ABCA13: variants seen among roughly 807,000 people sequenced by gnomAD.
The protein encoded by ABCA13 is ATP binding cassette subfamily A member 13.
In ABCA13, 476 loss-of-function variants were observed where a neutral mutation model predicts 478.7. The ratio of observed to expected loss-of-function variants is 0.99; its 90% CI spans 0.92 to 1.07. The LOEUF is 1.07. Ranked by LOEUF, ABCA13 falls within the 50% of genes least tolerant of loss-of-function variation. ABCA13 has a pLI of 0.00. For missense variants in ABCA13, 6,060 were observed against 5,910.6 expected, an observed-to-expected ratio of 1.03 and a Z score of -0.83; for synonymous variants, 2,252 against 2,158.9, an observed-to-expected ratio of 1.04 and a Z score of -1.20.
At chr7:48,509,938 C>T (rs1346847784) in intron 50 of ABCA13, among the ~76,000 whole-genome samples, 1 of 152,158 alleles carries the variant, frequency 6.6e-6, no homozygotes, top group Non-Finnish European at 1.5e-5. Context: ...GGAAGCTGGC[C>T]CTCGCCAGTC....
At chr7:48,244,960 A>T (rs1429322781) in intron 11 of ABCA13, among the ~76,000 whole-genome samples, 1 of 152,202 alleles carries the variant, frequency 6.6e-6, no homozygotes. Flanking sequence ...GCCTATGACA[A>T]GCAGTGTCCT....
intron 2 of ABCA13, among the ~76,000 whole-genome samples, chr7:48,193,656 G>T (rs1797425023): frequency 6.6e-6 from 1 of 151,426 alleles, no homozygotes; most frequent in Non-Finnish European, 1.5e-5. Flanking sequence ...TGATGATGAT[G>T]ATGATGGAGA....
chr7:48,413,649 G>A (rs1333876163), intron 41 of ABCA13, among the ~76,000 whole-genome samples: 1 of 152,154 alleles, frequency 6.6e-6, no homozygotes, highest in Non-Finnish European at 1.5e-5. Context: ...GTTGTGTTTT[G>A]GAATTGATTC....
rs1169421962 is a variant in ABCA13 at position 48,540,771 on chromosome 7, A to G, written c.14354+12426A>G. Among the ~76,000 whole-genome samples, 4 of 152,230 alleles carry G rather than the reference A, an allele frequency of 2.6e-5. No homozygotes were observed. The East Asian group carries it at 7.7e-4, about 29-fold the overall frequency. On this transcript the variant is annotated intron_variant, in intron 55 of 61. Coordinates refer to ENST00000435803, the MANE Select transcript of ABCA13 (RefSeq NM_152701.5). ...TTGAGAGTAATACATGTCTAAATAT[A>G]TTTCAAAATTGTCCACTGTAGTTTG... is the stretch of plus-strand genomic sequence containing the variant.
chr7:48,285,788 A>G (rs1294330635), intron 19 of ABCA13, among the ~76,000 whole-genome samples: 1 of 152,230 alleles, frequency 6.6e-6, no homozygotes, highest in African/African-American at 2.4e-5. Flanking sequence ...ATGCTTAAAG[A>G]TAAGTGCTGT....
chr7:48,397,806 T>C (rs1817047417), intron 38 of ABCA13, among the ~76,000 whole-genome samples: 1 of 152,202 alleles, frequency 6.6e-6, no homozygotes, highest in African/African-American at 2.4e-5. Context: ...ATGTGCAAAT[T>C]AAGCCTGAAT....
At position 48,412,387 on chromosome 7, in the gene ABCA13, T is replaced by C; in HGVS notation, c.12263T>C (p.Met4088Thr). 1 of 1,613,546 alleles carries C rather than the reference T, an allele frequency of 6.2e-7. No homozygotes were observed. Among genetic ancestry groups the C allele is most frequent in the Non-Finnish European group, 8.5e-7 (1 of 1,179,768 alleles). Residue 4088 changes from methionine (M) to threonine (T), a missense_variant, in exon 41 of 62, where the codon ATG becomes ACG. Met to Thr is a moderately conservative substitution (Grantham distance 81). Around this residue, in one of 3 missense-constraint regions of ABCA13, gnomAD observed 1,627 missense variants for 1,571.0 expected, o/e 1.04. Transcript: ENST00000435803. ...CTGGAGGCCCATGATCTGAAAGACA[T>C]GGCTTGTGTTACATCCCTGATAAAG... ...SVLEAHDLKD[M>T]ACVTSLIKIY...
In ABCA13 at chr7:48,435,212, T is replaced by G. The variant is rs78395164; in HGVS notation, c.12565+7341T>G. Among the ~76,000 whole-genome samples the G allele has an allele frequency of 7.2e-4, 110 of 151,962 alleles. 1 individual carries two copies. The East Asian group carries it at 0.018, about 25-fold the overall frequency. On this transcript the variant is annotated intron_variant, in intron 42 of 61. Transcript: ENST00000435803. ...ATTTTGTAGTGTTGAGTGTACAAGT[T>G]GCTTGCCCTCATGATTAAGTTAATT...
chr7:48,356,305 G>C (rs1809900017), intron 31 of ABCA13, among the ~76,000 whole-genome samples: 1 of 151,946 alleles, frequency 6.6e-6, no homozygotes, highest in African/African-American at 2.4e-5. Context: ...AGACTTGGAG[G>C]GGTAGAATTG....
intron 31 of ABCA13, among the ~76,000 whole-genome samples, chr7:48,353,609 C>T (rs1031655645): frequency 2.0e-5 from 3 of 151,484 alleles, no homozygotes; most frequent in South Asian, 4.2e-4. Flanking sequence ...GGTGACTGGG[C>T]GACACACACG....
chr7:48,467,689 G>T (rs947599329), intron 44 of ABCA13, among the ~76,000 whole-genome samples: 5 of 152,082 alleles, frequency 3.3e-5, no homozygotes, highest in Non-Finnish European at 7.4e-5. Flanking sequence ...CTGGTCTCAA[G>T]GAATTTACAG....
chr7:48,255,480 T>A (rs943498957), intron 15 of ABCA13, among the ~76,000 whole-genome samples: 1 of 152,256 alleles, frequency 6.6e-6, no homozygotes, highest in African/African-American at 2.4e-5. Context: ...AATCTTTAGC[T>A]CCCAATTTCT....
chr7:48,315,178 T>G (rs1802387063), intron 26 of ABCA13, among the ~76,000 whole-genome samples: 1 of 151,978 alleles, frequency 6.6e-6, no homozygotes, highest in African/African-American at 2.4e-5. Flanking sequence ...ATATGAGGAG[T>G]GTTGGTGCCT....
rs542884637 is a variant in ABCA13 at position 48,614,085 on chromosome 7, A to G, written c.14745-1200A>G. ...ATTTAATATTTATACTAACATATTA[A>G]TATTATTTTATATTACACTAATTTT... is the stretch of plus-strand genomic sequence containing the variant. On this transcript the variant is annotated intron_variant, in intron 58 of 61. Transcript: ENST00000435803. Among the ~76,000 whole-genome samples, 179 of 149,602 alleles carry G rather than the reference A, an allele frequency of 1.2e-3. 1 individual carries two copies. The highest frequency in any genetic ancestry group is 4.2e-3 in the African/African-American group (172 of 41,192).
At chr7:48,350,242 T>G (rs773881631) in intron 29 of ABCA13, among the ~76,000 whole-genome samples, 16 of 151,864 alleles carry the variant, frequency 1.1e-4, no homozygotes, top group Non-Finnish European at 1.8e-4. Flanking sequence ...GGAAGGCGTG[T>G]TTTTTTTAGA....
intron 58 of ABCA13, among the ~76,000 whole-genome samples, chr7:48,611,576 A>G (rs1247060155): frequency 6.6e-6 from 1 of 152,200 alleles, no homozygotes; most frequent in Non-Finnish European, 1.5e-5. Context: ...CACGTCTTAC[A>G]TGGCCAGAGC....
intron 5 of ABCA13, among the ~76,000 whole-genome samples, chr7:48,221,640 C>T (rs767224430): frequency 1.1e-4 from 16 of 152,148 alleles, no homozygotes; most frequent in African/African-American, 1.4e-4. Flanking sequence ...GGCACATAAG[C>T]GGTGACTCCC....
intron 16 of ABCA13, among the ~76,000 whole-genome samples, chr7:48,271,235 C>A (rs2128747005): frequency 6.6e-6 from 1 of 152,328 alleles, no homozygotes; most frequent in South Asian, 2.1e-4. Flanking sequence ...GTCTGAGTTG[C>A]TCTTCTGAGA....
At chr7:48,412,652 A>C in intron 41 of ABCA13, 69 bp downstream of exon 41, 3 of 1,141,084 alleles carry the variant, frequency 2.6e-6, no homozygotes, top group African/African-American at 1.7e-5. Flanking sequence ...AAATGAAGAG[A>C]TGTGGGTAAA....
Sources: gnomAD v4.1 joint callset for allele counts (sites outside exome capture counted in the v4.1 genomes callset) on GRCh38, gnomAD v4.1.1 for gene constraint, gnomAD v4.1.1 regional missense constraint, MANE v1.5 for transcripts, NCBI Gene and HGNC (gene_info 2026-07-23, HGNC 2026-07-21) for gene names.